Variants in GREB1 observed in about 807,000 individuals in gnomAD.
GREB1 encodes the protein protein GREB1.
A neutral mutation model predicts 200.7 loss-of-function variants in GREB1; 106 were observed. The ratio of observed to expected loss-of-function variants is 0.53; its 90% CI spans 0.45 to 0.62. The LOEUF is 0.62. GREB1 is among the 20% of genes least tolerant of loss of function. GREB1 has a pLI of 0.00. For missense variants in GREB1, 2,243 were observed against 2,556.8 expected (o/e 0.88, Z 2.65); for synonymous variants, 1,132 against 1,092.4 (o/e 1.04, Z -0.72).
Position 11,492,017 on chromosome 2 carries a change from G to A in GREB1, c.-159+9636G>A, listed in dbSNP as rs982425007. On this transcript the variant is annotated intron_variant, in intron 1 of 2. Coordinates refer to the GREB1 transcript ENST00000628795. The surrounding 1 kb of genome is among the most constrained non-coding windows in gnomAD (Gnocchi z 4.0). ...TGTCTGCACCCTGACTCGGTGACTA[G>A]TTCCCACTTCTTGGGACAGCTGCCC... 6.6e-6 allele frequency among the ~76,000 whole-genome samples: 1 copy of A among 152,180 alleles called. No individual in the cohort carries two copies. Among genetic ancestry groups the A allele is most frequent in the African/African-American group, 2.4e-5 (1 of 41,458 alleles).
chr2:11,632,756 T>C, intron 27 of GREB1, 133 bp from the exon 28 acceptor site: 1 of 678,624 alleles, frequency 1.5e-6, no homozygotes, highest in South Asian at 1.8e-5. Context: ...CTGTGTTTTG[T>C]GACAGGTGAT....
intron 1 of GREB1, among the ~76,000 whole-genome samples, chr2:11,508,834 A>G (rs1673257725): frequency 6.6e-6 from 1 of 150,750 alleles, no homozygotes; most frequent in African/African-American, 2.4e-5. Flanking sequence ...ACATGAAGAC[A>G]TCTGAGGCCT....
At chr2:11,617,647 G>A (rs974739573) in intron 21 of GREB1, among the ~76,000 whole-genome samples, 10 of 152,224 alleles carry the variant, frequency 6.6e-5, no homozygotes, top group African/African-American at 2.4e-4. Context: ...AGCCTTAAGG[G>A]CCGAGAGGCT....
intron 1 of GREB1, chr2:11,542,628 C>CGGGGGGG (rs60551961): frequency 1.9e-4 from 25 of 129,428 alleles, no homozygotes; most frequent in Admixed American, 3.3e-4. Context: ...AGTGCTGGGG[C>CGGGGGGG]GGGGGGAGGG....
chr2:11,604,688 C>T (rs1682090720), intron 17 of GREB1, among the ~76,000 whole-genome samples: 1 of 152,200 alleles, frequency 6.6e-6, no homozygotes, highest in Non-Finnish European at 1.5e-5. Context: ...CGACTTCATG[C>T]AGCCTGTTGG....
chr2:11,558,403 G>A (rs1676649853), intron 2 of GREB1, among the ~76,000 whole-genome samples: 1 of 152,190 alleles, frequency 6.6e-6, no homozygotes. Flanking sequence ...TGGACATGTG[G>A]CACTGTCCAG....
chr2:11,621,016 T>C lies in GREB1; in HGVS notation c.4147+9T>C, dbSNP rs1310512124. ...GGAGGAGATCAATATCAGTGAGTTATCTGTTTGGGGTTATGTGGGCTTGGA... is the reference window on the plus strand; with the variant it reads ...GGAGGAGATCAATATCAGTGAGTTACCTGTTTGGGGTTATGTGGGCTTGGA... On this transcript the variant is annotated intron_variant, in intron 23 of 32. Transcript: ENST00000381486. 1.3e-6 allele frequency: 2 copies of C among 1,528,532 alleles called. No homozygotes were observed. The highest frequency in any genetic ancestry group is 1.8e-6 in the Non-Finnish European group (2 of 1,101,836). The allele number at this position is 1,528,532 out of a possible 1,614,324, so 94.7% of individuals were successfully genotyped here.
chr2:11,517,999 G>C (rs1234071605), intron 1 of GREB1, among the ~76,000 whole-genome samples: 1 of 152,212 alleles, frequency 6.6e-6, no homozygotes. Flanking sequence ...GTTTTCCAAG[G>C]AGTGAGTTTG....
chr2:11,483,050 C>A (rs1474094309), intron 1 of GREB1, among the ~76,000 whole-genome samples: 5 of 151,554 alleles, frequency 3.3e-5, no homozygotes, highest in Non-Finnish European at 5.9e-5. Flanking sequence ...CGGCGCCCGG[C>A]GGGGAAGGTG....
chr2:11,482,955 GGGCCC>G, intron 1 of GREB1, among the ~76,000 whole-genome samples: 1 of 151,324 alleles, frequency 6.6e-6, no homozygotes, highest in Middle Eastern at 3.4e-3. Context: ...GGAGGACAAA[GGGCCC>G]GAGGTAGGAG....
chr2:11,621,914 G>T (rs959184586), intron 23 of GREB1, among the ~76,000 whole-genome samples: 1 of 152,224 alleles, frequency 6.6e-6, no homozygotes. Flanking sequence ...CTGCAGCCCT[G>T]CTGAATTTGT....
At chr2:11,507,365 C>T (rs570178345) in intron 1 of GREB1, among the ~76,000 whole-genome samples, 3 of 147,964 alleles carry the variant, frequency 2.0e-5, no homozygotes, top group Non-Finnish European at 4.4e-5. Flanking sequence ...GTGGAGATTG[C>T]GCCACTGCAC....
chr2:11,606,756 T>TTTATTATTA (rs1225643122), intron 17 of GREB1, among the ~76,000 whole-genome samples: 1 of 106,434 alleles, frequency 9.4e-6, no homozygotes, highest in Non-Finnish European at 1.9e-5. Context: ...TGATTTTAGT[T>TTTATTATTA]TCATTATTAT....
intron 2 of GREB1, 81 bp from the exon 3 acceptor site, chr2:11,562,382 G>A: frequency 6.4e-7 from 1 of 1,561,860 alleles, no homozygotes; most frequent in South Asian, 1.2e-5. Context: ...GCCTGAGAAT[G>A]CAGGCAGAGG....
intron 30 of GREB1, among the ~76,000 whole-genome samples, chr2:11,635,660 G>T (rs1337062102): frequency 6.6e-6 from 1 of 152,128 alleles, no homozygotes; most frequent in South Asian, 2.1e-4. Flanking sequence ...AAGCCTTCCT[G>T]TGTGTTCTCA....
At position 11,610,765 on chromosome 2, in the gene GREB1, GCGGCCTCCCGC is replaced by G. The variant is rs1378120535; in HGVS notation, c.2745_2755del (p.Ser915ArgfsTer47). ...TACGCGGCCGCCCTGATGGCCGTAA[GCGGCCTCCCGC>G]AGATGAAGAACTACACGTCGGTGGA... On this transcript the variant is annotated frameshift_variant, in exon 18 of 33. Transcript: ENST00000381486. LOFTEE classifies it high-confidence loss of function. 1 of 1,613,512 alleles carries G rather than the reference GCGGCCTCCCGC, an allele frequency of 6.2e-7. No individual in the cohort carries two copies. The highest frequency in any genetic ancestry group is 1.7e-5 in the Admixed American group (1 of 60,030).
chr2:11,578,360 G>A lies in GREB1; in HGVS notation c.701G>A (p.Ser234Asn), dbSNP rs889316662. The A allele has an allele frequency of 6.2e-6, 10 of 1,613,950 alleles. No individual in the cohort carries two copies. The African/African-American group carries it at 1.1e-4, about 17-fold the overall frequency. The change falls in exon 6 of 33, where the codon AGC becomes AAC. Residue 234 changes from serine to asparagine, a missense_variant. Ser to Asn is a conservative substitution (Grantham distance 46). Coordinates refer to ENST00000381486, the MANE Select transcript of GREB1 (RefSeq NM_014668.4). ...CSSSLFPALE[S>N]TAAFPSEPVP... is the part of the protein sequence containing the mutation. ...AGTTCCCTCTTCCCAGCCCTGGAGA[G>A]CACGGCTGCCTTCCCCAGCGAGCCC...
In GREB1 at chr2:11,569,071, T is replaced by C. The variant is rs7560756; in HGVS notation, c.454+2415T>C. Among the ~76,000 whole-genome samples the C allele has an allele frequency of 3.3e-3, 505 of 152,348 alleles. 5 individuals carry two copies. Among genetic ancestry groups the C allele is most frequent in the African/African-American group, 0.011 (463 of 41,580 alleles). ...GTATTAGGAGACTTGTTTTTGTGACTTTTAATCAACTCAGGTATTTTATCT... is the reference window on the plus strand; with the variant it reads ...GTATTAGGAGACTTGTTTTTGTGACCTTTAATCAACTCAGGTATTTTATCT... On this transcript the variant is annotated intron_variant, in intron 4 of 32. Coordinates refer to ENST00000381486, the MANE Select transcript of GREB1 (RefSeq NM_014668.4).
chr2:11,619,279 A>AC (rs1466136391), intron 22 of GREB1, among the ~76,000 whole-genome samples: 1 of 152,218 alleles, frequency 6.6e-6, no homozygotes, highest in African/African-American at 2.4e-5. Context: ...TGAACCATGA[A>AC]CGGAGAACTA....
Sources: gnomAD v4.1 joint callset for allele counts (sites outside exome capture counted in the v4.1 genomes callset) on GRCh38, gnomAD v4.1.1 for gene constraint, Gnocchi (gnomAD v3.1) non-coding constraint, MANE v1.5 for transcripts, NCBI Gene and HGNC (gene_info 2026-07-23, HGNC 2026-07-21) for gene names.